The following LUZP2 variants were observed in gnomAD, a reference collection of about 807,000 sequenced individuals.
The protein encoded by LUZP2 is leucine zipper protein 2.
A neutral mutation model predicts 51.6 loss-of-function variants in LUZP2; 52 were observed. The ratio of observed to expected loss-of-function variants is 1.01; its 90% CI spans 0.81 to 1.27. The LOEUF (loss-of-function observed/expected upper bound fraction) is 1.27. LUZP2 is among the 50% of genes most tolerant of loss of function. The pLI is 0.00. For synonymous variants in LUZP2, 154 were observed against 137.3 expected, an observed-to-expected ratio of 1.12 and a Z score of -0.85; for missense variants, 436 against 395.4, an observed-to-expected ratio of 1.10 and a Z score of -0.87.
At chr11:24,621,021 A>G (rs1440373851) in intron 1 of LUZP2, among the ~76,000 whole-genome samples, 2 of 152,122 alleles carry the variant, frequency 1.3e-5, no homozygotes, top group Non-Finnish European at 2.9e-5. Flanking sequence ...GGGTTAACAC[A>G]TATGTCATGA....
intron 9 of LUZP2, among the ~76,000 whole-genome samples, chr11:25,012,891 A>G (rs1011306496): frequency 6.6e-6 from 1 of 152,178 alleles, no homozygotes; most frequent in Non-Finnish European, 1.5e-5. Flanking sequence ...AAAGGAAAAG[A>G]AAGAGATATA....
intron 1 of LUZP2, among the ~76,000 whole-genome samples, chr11:24,582,299 ATTTTTTT>A (rs67262111): frequency 1.5e-4 from 8 of 54,518 alleles, no homozygotes; most frequent in Admixed American, 8.3e-4. Flanking sequence ...TCCCTAGCTG[ATTTTTTT>A]TTTTTTTTTT....
At chr11:24,918,815 A>G (rs994932284) in intron 7 of LUZP2, among the ~76,000 whole-genome samples, 1 of 138,926 alleles carries the variant, frequency 7.2e-6, no homozygotes, top group African/African-American at 2.7e-5. Context: ...TCATTGATAT[A>G]TATACACATA....
At chr11:24,787,932 T>C (rs1849293924) in intron 5 of LUZP2, among the ~76,000 whole-genome samples, 2 of 152,054 alleles carry the variant, frequency 1.3e-5, no homozygotes, top group African/African-American at 4.8e-5. Flanking sequence ...TGCTGTCTTA[T>C]CCTTTCTTAA....
At chr11:24,905,857 A>T in intron 5 of LUZP2, 134 bp from the exon 6 acceptor site, 1 of 548,790 alleles carries the variant, frequency 1.8e-6, no homozygotes, top group South Asian at 3.0e-5. Flanking sequence ...ATTCAGTTTT[A>T]CACCAATCCA....
chr11:24,519,970 A>G (rs1850591595), intron 1 of LUZP2, among the ~76,000 whole-genome samples: 1 of 152,230 alleles, frequency 6.6e-6, no homozygotes, highest in African/African-American at 2.4e-5. Flanking sequence ...ATGAGTTACT[A>G]TTATTAATGA....
intron 1 of LUZP2, among the ~76,000 whole-genome samples, chr11:24,549,697 G>T (rs1590168895): frequency 2.0e-5 from 3 of 152,018 alleles, no homozygotes; most frequent in African/African-American, 7.2e-5. Flanking sequence ...CAGCTCCATT[G>T]TAATCTTATG....
At chr11:24,938,104 TAAG>T (rs1447737151) in intron 7 of LUZP2, among the ~76,000 whole-genome samples, 1 of 152,050 alleles carries the variant, frequency 6.6e-6, no homozygotes, top group Non-Finnish European at 1.5e-5. Context: ...TATTTATTAA[TAAG>T]AAGAAAAAAA....
intron 7 of LUZP2, among the ~76,000 whole-genome samples, chr11:24,918,577 T>C (rs899729151): frequency 4.0e-5 from 6 of 151,630 alleles, no homozygotes; most frequent in Non-Finnish European, 5.9e-5. Flanking sequence ...TAATAAGAGC[T>C]ATTTATGACA....
intron 6 of LUZP2, 78 bp from the exon 7 acceptor site, chr11:24,914,398 G>A (rs1853732959): frequency 1.9e-6 from 2 of 1,063,772 alleles, no homozygotes; most frequent in African/African-American, 1.6e-5. Context: ...GTATTCCTGT[G>A]AAGTCTGAAA....
chr11:24,684,547 G>A (rs1326515669), intron 1 of LUZP2, among the ~76,000 whole-genome samples: 2 of 152,314 alleles, frequency 1.3e-5, no homozygotes, highest in East Asian at 1.9e-4. Context: ...TCAAATGCAC[G>A]CTGATGGTGT....
chr11:25,008,424 G>C (rs914892856), intron 9 of LUZP2, among the ~76,000 whole-genome samples: 2 of 152,196 alleles, frequency 1.3e-5, no homozygotes, highest in African/African-American at 4.8e-5. Flanking sequence ...GGGGAATTGA[G>C]GGGGCGTGTT....
At chr11:24,521,067 G>T (rs1039266394) in intron 1 of LUZP2, among the ~76,000 whole-genome samples, 10 of 152,170 alleles carry the variant, frequency 6.6e-5, no homozygotes, top group Non-Finnish European at 1.2e-4. Flanking sequence ...AACAGATTGT[G>T]TGGCTGGGCG....
At chr11:24,876,231 G>C (rs1852257168) in intron 5 of LUZP2, among the ~76,000 whole-genome samples, 2 of 147,158 alleles carry the variant, frequency 1.4e-5, no homozygotes, top group Non-Finnish European at 1.5e-5. Flanking sequence ...ATGGTTTTAG[G>C]TCTAACATTT....
chr11:24,936,050 A>G (rs1854576160), intron 7 of LUZP2, among the ~76,000 whole-genome samples: 1 of 152,168 alleles, frequency 6.6e-6, no homozygotes, highest in Non-Finnish European at 1.5e-5. Context: ...CATTACTGTT[A>G]GTGAGTTGCT....
chr11:24,662,689 C>G (rs1011133246), intron 1 of LUZP2, among the ~76,000 whole-genome samples: 1 of 151,848 alleles, frequency 6.6e-6, no homozygotes, highest in African/African-American at 2.4e-5. Context: ...ATGATTATGA[C>G]ACATTTGTAG....
At chr11:24,703,903 T>C (rs998503117) in intron 1 of LUZP2, among the ~76,000 whole-genome samples, 28 of 152,172 alleles carry the variant, frequency 1.8e-4, no homozygotes, top group African/African-American at 6.8e-4. Context: ...ATTTTAGTTT[T>C]TAATGTGTCT....
chr11:24,985,584 G>A lies in LUZP2; in HGVS notation c.765+2291G>A, dbSNP rs77367473. ...GTCACCAACACTGAAAATAGTATTC[G>A]AAATGTTATTGAGTCATAATAATTG... is the stretch of plus-strand genomic sequence containing the variant. On this transcript the variant is annotated intron_variant, in intron 9 of 11. Transcript: ENST00000336930. Among the ~76,000 whole-genome samples, 522 of 151,698 alleles carry A rather than the reference G, an allele frequency of 3.4e-3. 11 individuals carry two copies. The highest frequency in any genetic ancestry group is 0.026 in the Admixed American group (391 of 15,164).
intron 1 of LUZP2, among the ~76,000 whole-genome samples, chr11:24,677,372 T>C (rs921437301): frequency 2.6e-5 from 4 of 152,176 alleles, no homozygotes; most frequent in Non-Finnish European, 5.9e-5. Context: ...CATGACTCTG[T>C]TCTTGTCTGA....
Sources: allele counts gnomAD v4.1 joint callset (sites outside exome capture counted in the v4.1 genomes callset), GRCh38; gene constraint gnomAD v4.1.1; transcripts MANE v1.5; gene names NCBI Gene and HGNC (gene_info 2026-07-23, HGNC 2026-07-21).